The following GABRG3 variants were observed in gnomAD, a reference collection of about 807,000 sequenced individuals.
GABRG3 encodes the protein gamma-aminobutyric acid receptor subunit gamma-3.
GABRG3 carries 25 observed loss-of-function variants against 48.8 expected under a neutral mutation model. The ratio of observed to expected loss-of-function variants is 0.51; its 90% confidence interval spans 0.37 to 0.72. GABRG3 has a LOEUF of 0.72. GABRG3 is among the 30% of genes least tolerant of loss of function. The pLI is 0.00. For missense variants in GABRG3, 394 were observed against 577.9 expected (o/e 0.68, Z 3.26); for synonymous variants, 227 against 217.6 (o/e 1.04, Z -0.38).
intron 5 of GABRG3, among the ~76,000 whole-genome samples, chr15:27,472,673 A>ACAAAT (rs1019733329): frequency 7.0e-4 from 106 of 152,332 alleles, no homozygotes; most frequent in African/African-American, 2.4e-3. Flanking sequence ...CAACGTAATG[A>ACAAAT]CAAATAGTAA....
At chr15:27,217,451 C>T (rs939408820) in intron 3 of GABRG3, among the ~76,000 whole-genome samples, 1 of 152,148 alleles carries the variant, frequency 6.6e-6, no homozygotes, top group Non-Finnish European at 1.5e-5. Context: ...AGACACTGGC[C>T]CCACTGCCCT....
At chr15:27,476,297 C>T (rs1341357856) in intron 5 of GABRG3, among the ~76,000 whole-genome samples, 1 of 151,868 alleles carries the variant, frequency 6.6e-6, no homozygotes, top group Non-Finnish European at 1.5e-5. Flanking sequence ...GCATGCCACA[C>T]ACAAAGGAAA....
intron 3 of GABRG3, among the ~76,000 whole-genome samples, chr15:27,090,242 A>G (rs868259212): frequency 2.4e-4 from 36 of 152,236 alleles, no homozygotes; most frequent in Admixed American, 1.3e-4. Context: ...TTGTTGAACT[A>G]TAGGCTAATA....
In GABRG3 at chr15:27,289,743, G is replaced by A. The variant is rs545000260; in HGVS notation, c.271-37066G>A. On this transcript the variant is annotated intron_variant, in intron 3 of 9. Transcript: ENST00000615808. ...GAGAGTTTACAGATAAACAAGGGGA[G>A]GAGGCTGGAATTATGTATGTGTTAA... Among the ~76,000 whole-genome samples, 5 of 152,306 alleles carry A rather than the reference G, an allele frequency of 3.3e-5. No individual in the cohort carries two copies. The South Asian group carries it at 1.0e-3, about 32-fold the overall frequency.
At chr15:26,992,673 GTTTTC>G in intron 2 of GABRG3, among the ~76,000 whole-genome samples, 1 of 151,988 alleles carries the variant, frequency 6.6e-6, no homozygotes, top group African/African-American at 2.4e-5. Context: ...TTGGCCTGTA[GTTTTC>G]TTTTTTTTGA....
intron 3 of GABRG3, among the ~76,000 whole-genome samples, chr15:27,128,601 G>C (rs189801364): frequency 6.6e-6 from 1 of 152,288 alleles, no homozygotes; most frequent in African/African-American, 2.4e-5. Flanking sequence ...TTTGGATGGG[G>C]CATTGATGAA....
chr15:27,506,043 G>T (rs1566871358), intron 6 of GABRG3, among the ~76,000 whole-genome samples: 1 of 152,114 alleles, frequency 6.6e-6, no homozygotes, highest in South Asian at 2.1e-4. Context: ...ATAGTGTTAT[G>T]CATTCAGCAT....
intron 6 of GABRG3, among the ~76,000 whole-genome samples, chr15:27,501,257 A>T (rs1188564114): frequency 6.6e-6 from 1 of 152,066 alleles, no homozygotes; most frequent in Non-Finnish European, 1.5e-5. Context: ...GGCCAAAGTA[A>T]TGTATGTTTC....
intron 3 of GABRG3, among the ~76,000 whole-genome samples, chr15:27,083,807 G>A (rs1315276462): frequency 6.6e-6 from 1 of 152,204 alleles, no homozygotes; most frequent in Non-Finnish European, 1.5e-5. Flanking sequence ...TGGGGCATGG[G>A]TGTTTCAAAT....
At chr15:27,386,584 T>A (rs9672373) in intron 5 of GABRG3, among the ~76,000 whole-genome samples, 1 of 151,780 alleles carries the variant, frequency 6.6e-6, no homozygotes, top group Non-Finnish European at 1.5e-5. Context: ...TGTGCTCTGC[T>A]CCAAATAAAG....
At chr15:27,017,478 C>T (rs1262482620) in intron 2 of GABRG3, among the ~76,000 whole-genome samples, 1 of 152,126 alleles carries the variant, frequency 6.6e-6, no homozygotes, top group African/African-American at 2.4e-5. Context: ...CTGTTCATTG[C>T]CTCTGTTGTG....
At position 27,052,592 on chromosome 15, in the gene GABRG3, T is replaced by C. The variant is rs114631697; in HGVS notation, c.270+25771T>C. Among the ~76,000 whole-genome samples the C allele has an allele frequency of 6.4e-3, 971 of 152,256 alleles. 13 individuals carry two copies. Among genetic ancestry groups the C allele is most frequent in the African/African-American group, 0.022 (923 of 41,548 alleles). On this transcript the variant is annotated intron_variant, in intron 3 of 9. Transcript: ENST00000615808. ...TGCTTCTAAAACACACGAAATCTAGTATCAAGACAAACAAAAATAAATGAG... is the reference window on the plus strand; with the variant it reads ...TGCTTCTAAAACACACGAAATCTAGCATCAAGACAAACAAAAATAAATGAG...
rs1272174480 is a variant in GABRG3, at chr15:26,977,059, C to T, written c.111C>T (p.Val37=). The change falls in exon 2 of 10, where the codon GTC becomes GTT. Residue 37 remains valine, a synonymous_variant. Coordinates refer to ENST00000615808, the MANE Select transcript of GABRG3 (RefSeq NM_033223.5). ...ATTCATCATCAAACCAAAAGTGGGTCTTGGCTCCAAAATCCCAAGACACCG... is the reference window on the plus strand; with the variant it reads ...ATTCATCATCAAACCAAAAGTGGGTTTTGGCTCCAAAATCCCAAGACACCG... ...YEDSSSNQKW[V]LAPKSQDTDV... 1.2e-6 allele frequency: 2 copies of T among 1,613,936 alleles called. No individual in the cohort carries two copies. Among genetic ancestry groups the T allele is most frequent in the South Asian group, 2.2e-5 (2 of 91,078 alleles).
intron 5 of GABRG3, among the ~76,000 whole-genome samples, chr15:27,408,689 T>C (rs546997507): frequency 6.6e-6 from 1 of 152,266 alleles, no homozygotes; most frequent in Admixed American, 6.5e-5. Flanking sequence ...CAGAGGACAA[T>C]AGAATTTCTC....
At chr15:27,433,891 C>T (rs1888530114) in intron 5 of GABRG3, among the ~76,000 whole-genome samples, 1 of 152,098 alleles carries the variant, frequency 6.6e-6, no homozygotes, top group African/African-American at 2.4e-5. Context: ...GACCTTGTGT[C>T]CTGTTTACAA....
At chr15:27,313,233 TG>T (rs1893062383) in intron 3 of GABRG3, among the ~76,000 whole-genome samples, 1 of 119,804 alleles carries the variant, frequency 8.3e-6, no homozygotes, top group African/African-American at 3.7e-5. Context: ...TATACGTATA[TG>T]TATATATGTG....
At chr15:27,239,806 A>G (rs1890081622) in intron 3 of GABRG3, among the ~76,000 whole-genome samples, 1 of 152,224 alleles carries the variant, frequency 6.6e-6, no homozygotes, top group Non-Finnish European at 1.5e-5. Flanking sequence ...ATGATAGTCG[A>G]CAGCCATTTA....
At chr15:27,068,051 T>A (rs1167107873) in intron 3 of GABRG3, among the ~76,000 whole-genome samples, 1 of 152,144 alleles carries the variant, frequency 6.6e-6, no homozygotes, top group Non-Finnish European at 1.5e-5. Flanking sequence ...AATAGATACC[T>A]AAGGAGGGAT....
At chr15:27,361,946 C>T (rs1307482541) in intron 5 of GABRG3, among the ~76,000 whole-genome samples, 1 of 151,806 alleles carries the variant, frequency 6.6e-6, no homozygotes, top group East Asian at 1.9e-4. Context: ...ATCTGATAAA[C>T]CTCCTTTTTA....
Sources: gnomAD v4.1 joint callset for allele counts (sites outside exome capture counted in the v4.1 genomes callset) on GRCh38, gnomAD v4.1.1 for gene constraint, MANE v1.5 for transcripts, NCBI Gene and HGNC (gene_info 2026-07-23, HGNC 2026-07-21) for gene names.